Variants in TLL1 observed in about 807,000 individuals in gnomAD.
The protein encoded by TLL1 is tolloid-like protein 1.
In TLL1, 49 loss-of-function variants were observed where a neutral mutation model predicts 128.2. The ratio of observed to expected loss-of-function variants is 0.38; its 90% CI spans 0.30 to 0.48. The LOEUF is 0.48. Among genes scored for constraint, TLL1 ranks in the 20% least tolerant of loss-of-function variants. The pLI is 0.96. For missense variants in TLL1, 1,123 were observed against 1,242.0 expected, an observed-to-expected ratio of 0.90 and a Z score of 1.44; for synonymous variants, 454 against 418.8, an observed-to-expected ratio of 1.08 and a Z score of -1.03.
chr4:165,986,288 C>T (rs927295110), intron 1 of TLL1, among the ~76,000 whole-genome samples: 9 of 151,904 alleles, frequency 5.9e-5, no homozygotes, highest in South Asian at 4.1e-4. Flanking sequence ...ACTGTGCCAA[C>T]GCATAAGTAA....
intron 1 of TLL1, among the ~76,000 whole-genome samples, chr4:165,947,311 C>T (rs1734300478): frequency 6.6e-6 from 1 of 152,036 alleles, no homozygotes; most frequent in African/African-American, 2.4e-5. Context: ...AATTACTTTC[C>T]TACTCCAGAT....
At chr4:165,913,974 C>A (rs1732662357) in intron 1 of TLL1, among the ~76,000 whole-genome samples, 1 of 151,966 alleles carries the variant, frequency 6.6e-6, no homozygotes, top group African/African-American at 2.4e-5. Flanking sequence ...CATGATGGCA[C>A]CTGCACTCCA....
At chr4:165,911,872 G>A (rs1451260705) in intron 1 of TLL1, among the ~76,000 whole-genome samples, 1 of 151,808 alleles carries the variant, frequency 6.6e-6, no homozygotes, top group African/African-American at 2.4e-5. Context: ...GTGTTTTTTT[G>A]TTTTGTTTTG....
chr4:165,953,755 C>A (rs1734653308), intron 1 of TLL1, among the ~76,000 whole-genome samples: 1 of 151,828 alleles, frequency 6.6e-6, no homozygotes, highest in African/African-American at 2.4e-5. Context: ...TTCTTTAAAT[C>A]TCCTTTTGCA....
chr4:165,874,594 C>G (rs1020640175), intron 1 of TLL1, among the ~76,000 whole-genome samples: 1 of 152,208 alleles, frequency 6.6e-6, no homozygotes, highest in Non-Finnish European at 1.5e-5. Flanking sequence ...GTGTGGGTTC[C>G]AGGCTAGAAA....
At chr4:166,025,539 A>G (rs1738457716) in intron 9 of TLL1, 108 bp downstream of exon 9, 5 of 894,812 alleles carry the variant, frequency 5.6e-6, no homozygotes, top group East Asian at 2.6e-5. Context: ...GAGTTTTCAA[A>G]TGGACTAAAA....
In TLL1 at chr4:165,955,060, G is replaced by A. The variant is rs145979068; in HGVS notation, c.170-34321G>A. 3.9e-4 allele frequency among the ~76,000 whole-genome samples: 60 copies of A among 152,096 alleles called. No homozygotes were observed. The East Asian group carries it at 5.2e-3, about 13-fold the overall frequency. On this transcript the variant is annotated intron_variant, in intron 1 of 20. Coordinates refer to ENST00000061240, the MANE Select transcript of TLL1 (RefSeq NM_012464.5). Reference sequence around the variant, plus strand: ...AATGATACAGGAGTTGAAAGACAGCGTAGCCATCTTAAGAAAAAACCAGTT... The same window carrying A: ...AATGATACAGGAGTTGAAAGACAGCATAGCCATCTTAAGAAAAAACCAGTT...
intron 1 of TLL1, among the ~76,000 whole-genome samples, chr4:165,929,302 G>T (rs915875676): frequency 6.6e-6 from 1 of 152,108 alleles, no homozygotes; most frequent in Non-Finnish European, 1.5e-5. Flanking sequence ...GTAGAGGGAG[G>T]CCAAGGTGGG....
chr4:165,879,082 A>G (rs1345900084), intron 1 of TLL1, among the ~76,000 whole-genome samples: 2 of 151,426 alleles, frequency 1.3e-5, no homozygotes, highest in Non-Finnish European at 2.9e-5. Context: ...GGTGCATGCC[A>G]CCATGCCCAG....
At chr4:166,045,732 C>T (rs992459440) in intron 12 of TLL1, among the ~76,000 whole-genome samples, 14 of 152,166 alleles carry the variant, frequency 9.2e-5, no homozygotes, top group African/African-American at 3.4e-4. Context: ...TGTGTCAGCT[C>T]GTCTCGCCCT....
At chr4:165,957,630 T>C (rs1734869334) in intron 1 of TLL1, among the ~76,000 whole-genome samples, 1 of 151,474 alleles carries the variant, frequency 6.6e-6, no homozygotes, top group Non-Finnish European at 1.5e-5. Flanking sequence ...CACTGCACCA[T>C]ATTTGTAGAC....
At position 166,099,358 on chromosome 4, in the gene TLL1, G is replaced by A. The variant is rs752528838; in HGVS notation, c.2738G>A (p.Gly913Glu). ...CAGTTTGGTGATAACAACTACCCAG[G>A]ACAGGTTGACTGTGAATGGCTATTA... Reference protein sequence around the residue: ...HAQFGDNNYPGQVDCEWLLVS... With the variant: ...HAQFGDNNYPEQVDCEWLLVS... The change falls in exon 20 of 21, where the codon GGA (glycine) becomes GAA (glutamate). Residue 913 changes from glycine to glutamate, a missense_variant. Transcript: ENST00000061240. 8 of 1,613,538 alleles carry A rather than the reference G, an allele frequency of 5.0e-6. No individual in the cohort carries two copies. The South Asian group carries it at 8.8e-5, about 18-fold the overall frequency.
chr4:165,894,761 A>C (rs1325760652), intron 1 of TLL1, among the ~76,000 whole-genome samples: 1 of 151,812 alleles, frequency 6.6e-6, no homozygotes. Flanking sequence ...ATGGGTGACT[A>C]TTATCAGGTT....
chr4:166,029,693 AATC>A (rs1227444066), intron 9 of TLL1, among the ~76,000 whole-genome samples: 14 of 152,096 alleles, frequency 9.2e-5, no homozygotes, highest in African/African-American at 3.4e-4. Flanking sequence ...TGTGCCTGGC[AATC>A]ATCATTCTAC....
intron 1 of TLL1, among the ~76,000 whole-genome samples, chr4:165,904,655 T>G (rs1732164798): frequency 6.6e-6 from 1 of 152,226 alleles, no homozygotes; most frequent in Non-Finnish European, 1.5e-5. Flanking sequence ...AAGCACCATG[T>G]TTTGTTTTCC....
At chr4:166,055,433 A>G (rs998192866) in intron 13 of TLL1, among the ~76,000 whole-genome samples, 162 bp downstream of exon 13, 1 of 152,218 alleles carries the variant, frequency 6.6e-6, no homozygotes, top group African/African-American at 2.4e-5. Flanking sequence ...ATAAAATACT[A>G]GAGTTTAGAA....
intron 1 of TLL1, among the ~76,000 whole-genome samples, chr4:165,886,642 A>C (rs1415691157): frequency 6.6e-6 from 1 of 152,194 alleles, no homozygotes; most frequent in East Asian, 1.9e-4. Context: ...TTGAATATAA[A>C]CCATTCAATC....
chr4:165,997,488 A>T (rs1285504237), intron 5 of TLL1, among the ~76,000 whole-genome samples: 3 of 152,202 alleles, frequency 2.0e-5, no homozygotes, highest in African/African-American at 7.2e-5. Flanking sequence ...CATCACTTTC[A>T]TTTAGCTCTC....
chr4:166,001,178 A>T (rs934654884), intron 5 of TLL1, among the ~76,000 whole-genome samples: 6 of 152,334 alleles, frequency 3.9e-5, no homozygotes, highest in African/African-American at 1.4e-4. Context: ...CCAATTTAAT[A>T]TATCAGAAGA....
Sources: gnomAD v4.1 joint callset for allele counts (sites outside exome capture counted in the v4.1 genomes callset) on GRCh38, gnomAD v4.1.1 for gene constraint, MANE v1.5 for transcripts, NCBI Gene and HGNC (gene_info 2026-07-23, HGNC 2026-07-21) for gene names.